Variants in NYAP2 observed in about 807,000 individuals in gnomAD.
NYAP2 encodes the protein neuronal tyrosine-phosphorylated phosphoinositide-3-kinase adapter 2.
Under a neutral mutation model 50.4 loss-of-function variants are expected in NYAP2, and 23 were observed. The ratio of observed to expected loss-of-function variants is 0.46; its 90% CI spans 0.33 to 0.65. The LOEUF (loss-of-function observed/expected upper bound fraction) is 0.65. Among genes scored for constraint, NYAP2 ranks in the 30% least tolerant of loss-of-function variants. NYAP2 has a pLI of 0.02. For missense variants in NYAP2, 885 were observed against 861.0 expected, an observed-to-expected ratio of 1.03 and a Z score of -0.35; for synonymous variants, 394 against 365.2, an observed-to-expected ratio of 1.08 and a Z score of -0.90.
intron 3 of NYAP2, among the ~76,000 whole-genome samples, chr2:225,477,412 A>G (rs1476788105): frequency 5.3e-5 from 8 of 151,484 alleles, no homozygotes; most frequent in Non-Finnish European, 1.0e-4. Context: ...AATTTTTTGT[A>G]TTTTTAGTAG....
chr2:225,543,601 T>C (rs1457772626), intron 4 of NYAP2, among the ~76,000 whole-genome samples: 1 of 152,088 alleles, frequency 6.6e-6, no homozygotes, highest in Non-Finnish European at 1.5e-5. Flanking sequence ...TTTTACTCCA[T>C]TGTGGAAATT....
intron 3 of NYAP2, among the ~76,000 whole-genome samples, chr2:225,462,824 G>A (rs1200399634): frequency 6.6e-6 from 1 of 152,030 alleles, no homozygotes; most frequent in Non-Finnish European, 1.5e-5. Flanking sequence ...GCCTTCCAGT[G>A]GCATCTGACT....
chr2:225,545,576 T>C (rs1691564908), intron 4 of NYAP2, among the ~76,000 whole-genome samples: 1 of 152,054 alleles, frequency 6.6e-6, no homozygotes, highest in Non-Finnish European at 1.5e-5. Flanking sequence ...TCTGATAGAG[T>C]TCTGAATTTT....
intron 5 of NYAP2, among the ~76,000 whole-genome samples, chr2:225,599,903 A>G (rs187494323): frequency 6.6e-6 from 1 of 152,288 alleles, no homozygotes; most frequent in East Asian, 1.9e-4. Flanking sequence ...AACTATTTTT[A>G]AGTGTAGAGT....
intron 3 of NYAP2, among the ~76,000 whole-genome samples, chr2:225,432,144 ATT>A (rs751205603): frequency 8.5e-4 from 102 of 119,514 alleles, no homozygotes; most frequent in African/African-American, 3.0e-3. Context: ...CGCCCGCCTA[ATT>A]TTTTTTTTTT....
At chr2:225,428,595 G>A (rs1210052310) in intron 3 of NYAP2, among the ~76,000 whole-genome samples, 16 of 152,146 alleles carry the variant, frequency 1.1e-4, no homozygotes, top group Non-Finnish European at 2.9e-5. Flanking sequence ...GCCAGATTTG[G>A]CCTGCAGTTC....
chr2:225,536,688 G>T (rs1691356490), intron 4 of NYAP2, among the ~76,000 whole-genome samples: 1 of 151,906 alleles, frequency 6.6e-6, no homozygotes, highest in South Asian at 2.1e-4. Context: ...ATCCAGTTAT[G>T]CTAGTTTTTT....
the NYAP2 span, among the ~76,000 whole-genome samples, chr2:225,680,056 C>A: frequency 6.6e-6 from 1 of 152,124 alleles, no homozygotes; most frequent in Non-Finnish European, 1.5e-5. Context: ...GTTTAACATA[C>A]TATGACTGTT....
chr2:225,510,590 A>G (rs909622232), intron 3 of NYAP2, among the ~76,000 whole-genome samples: 2 of 152,180 alleles, frequency 1.3e-5, no homozygotes, highest in Non-Finnish European at 2.9e-5. Context: ...GGGTCTCTTG[A>G]ACCTAGATGT....
chr2:225,464,607 G>A (rs114898174), intron 3 of NYAP2, among the ~76,000 whole-genome samples: 2,624 of 152,268 alleles, frequency 0.017, 30 homozygotes, highest in Non-Finnish European at 0.03. Flanking sequence ...GTGGATCCAT[G>A]GTTACCAGAA....
intron 2 of NYAP2, among the ~76,000 whole-genome samples, chr2:225,403,454 C>T (rs961423387): frequency 9.9e-5 from 15 of 151,900 alleles, no homozygotes; most frequent in African/African-American, 2.9e-4. Context: ...TTATAATAAT[C>T]GCACAAAATA....
intron 3 of NYAP2, among the ~76,000 whole-genome samples, 192 bp downstream of exon 3, chr2:225,409,293 A>G (rs1315029570): frequency 2.0e-5 from 3 of 152,018 alleles, no homozygotes. Context: ...CTTAGTTAAC[A>G]AAAGTTATTT....
intron 3 of NYAP2, among the ~76,000 whole-genome samples, chr2:225,435,551 G>A (rs555578771): frequency 2.0e-5 from 3 of 152,262 alleles, no homozygotes; most frequent in Non-Finnish European, 4.4e-5. Flanking sequence ...TCTACAGTCT[G>A]CTTCTTAATT....
At chr2:225,427,669 T>C (rs553116967) in intron 3 of NYAP2, among the ~76,000 whole-genome samples, 36 of 152,354 alleles carry the variant, frequency 2.4e-4, no homozygotes, top group Non-Finnish European at 3.4e-4. Context: ...ATCTCTTATT[T>C]TGGTCTACTA....
chr2:225,686,221 G>GT, the NYAP2 span, among the ~76,000 whole-genome samples: 1 of 152,124 alleles, frequency 6.6e-6, no homozygotes, highest in African/African-American at 2.4e-5. Flanking sequence ...GAGATACAAA[G>GT]TTAACATTCT....
At chr2:225,546,822 A>G (rs1010496267) in intron 4 of NYAP2, among the ~76,000 whole-genome samples, 2 of 152,240 alleles carry the variant, frequency 1.3e-5, no homozygotes, top group African/African-American at 4.8e-5. Flanking sequence ...AACATATCTC[A>G]AAGTATCACC....
intron 3 of NYAP2, among the ~76,000 whole-genome samples, chr2:225,507,624 G>A (rs1690731263): frequency 6.6e-6 from 1 of 152,164 alleles, no homozygotes; most frequent in African/African-American, 2.4e-5. Flanking sequence ...GATTTTCTTT[G>A]TGTGAAGTTT....
chr2:225,414,777 T>C (rs1695096456), intron 3 of NYAP2, among the ~76,000 whole-genome samples: 1 of 152,172 alleles, frequency 6.6e-6, no homozygotes, highest in African/African-American at 2.4e-5. Context: ...TCTGGTATGC[T>C]AAATGTGCAA....
At chr2:225,602,198 A>G (rs371285338) in intron 5 of NYAP2, among the ~76,000 whole-genome samples, 3 of 152,196 alleles carry the variant, frequency 2.0e-5, no homozygotes, top group Admixed American at 6.6e-5. Context: ...TGGAGGACCA[A>G]TTGGAGGTAA....
Sources: allele counts gnomAD v4.1 joint callset (sites outside exome capture counted in the v4.1 genomes callset), GRCh38; gene constraint gnomAD v4.1.1; transcripts MANE v1.5; gene names NCBI Gene and HGNC (gene_info 2026-07-23, HGNC 2026-07-21).